The following SNTB2 variants were observed in gnomAD, a reference collection of about 807,000 sequenced individuals.
SNTB2 encodes beta-2-syntrophin.
Under a neutral mutation model 46.2 loss-of-function variants are expected in SNTB2, and 34 were observed. The ratio of observed to expected loss-of-function variants is 0.74; its 90% CI spans 0.56 to 0.98. The LOEUF is 0.98. SNTB2 is among the 50% of genes least tolerant of loss of function. SNTB2 has a pLI of 0.00. For missense variants in SNTB2, 603 were observed against 731.4 expected, an observed-to-expected ratio of 0.82 and a Z score of 2.02; for synonymous variants, 290 against 312.6, an observed-to-expected ratio of 0.93 and a Z score of 0.76.
chr16:69,273,098 C>T (rs1242229257), intron 4 of SNTB2, among the ~76,000 whole-genome samples: 3 of 152,074 alleles, frequency 2.0e-5, no homozygotes, highest in Non-Finnish European at 2.9e-5. Flanking sequence ...GTGTGAACAA[C>T]GACGTGGAGA....
intron 2 of SNTB2, 140 bp from the exon 3 acceptor site, chr16:69,259,910 A>G: frequency 1.3e-6 from 1 of 744,246 alleles, no homozygotes; most frequent in Non-Finnish European, 2.3e-6. Flanking sequence ...GTGCCCAGCC[A>G]AGAAAGTATC....
At chr16:69,199,633 G>A (rs33964663) in intron 1 of SNTB2, among the ~76,000 whole-genome samples, 46,620 of 147,190 alleles carry the variant, frequency 0.32, 8,010 homozygotes, top group African/African-American at 0.43. Context: ...TCTCTTAAGC[G>A]CAGATGAATC....
At chr16:69,250,232 G>A (rs897663312) in intron 2 of SNTB2, among the ~76,000 whole-genome samples, 4 of 152,184 alleles carry the variant, frequency 2.6e-5, no homozygotes, top group African/African-American at 9.7e-5. Context: ...ATTACAAGGA[G>A]TTTGCAAAAA....
intron 1 of SNTB2, among the ~76,000 whole-genome samples, chr16:69,231,836 AT>A (rs1246714555): frequency 2.0e-5 from 3 of 152,186 alleles, no homozygotes; most frequent in African/African-American, 4.8e-5. Flanking sequence ...TATTTAAAAC[AT>A]TTTTTATAAA....
At chr16:69,212,526 A>G (rs972993172) in intron 1 of SNTB2, among the ~76,000 whole-genome samples, 1 of 151,832 alleles carries the variant, frequency 6.6e-6, no homozygotes, top group African/African-American at 2.4e-5. Flanking sequence ...TTTAGTAGAG[A>G]CAAGTTTTCA....
At chr16:69,261,851 TG>T (rs772184717) in intron 3 of SNTB2, among the ~76,000 whole-genome samples, 16 of 152,318 alleles carry the variant, frequency 1.1e-4, no homozygotes, top group Middle Eastern at 3.4e-3. Context: ...CCTTTTGCCC[TG>T]GAAAGGTAAC....
At chr16:69,208,434 G>A (rs1964246364) in intron 1 of SNTB2, among the ~76,000 whole-genome samples, 1 of 151,472 alleles carries the variant, frequency 6.6e-6, no homozygotes. Context: ...AAAAGATATA[G>A]TATAGTATGT....
chr16:69,251,468 T>G (rs1597187332), intron 2 of SNTB2, among the ~76,000 whole-genome samples: 1 of 106,130 alleles, frequency 9.4e-6, no homozygotes, highest in African/African-American at 3.7e-5. Flanking sequence ...ATGTTTAGTT[T>G]AAAAAAAAAA....
rs183005599 is a variant in SNTB2 at position 69,305,337 on chromosome 16, A to G, written c.*4413A>G. 41 of 152,542 alleles carry G rather than the reference A, an allele frequency of 2.7e-4. No individual in the cohort carries two copies. The highest frequency in any genetic ancestry group is 9.4e-4 in the African/African-American group (39 of 41,580). 9.4% of individuals were successfully genotyped at this position (152,542 alleles called of 1,614,324 possible). On this transcript the variant is annotated 3_prime_UTR_variant, in exon 7 of 7. Transcript: ENST00000336278. ...TCTGCTTTTTTGTATCTTATCTTGG[A>G]CACTTATGCTGAATTATGTTCTTAT...
intron 1 of SNTB2, among the ~76,000 whole-genome samples, chr16:69,214,868 T>C (rs562709359): frequency 8.1e-4 from 121 of 149,036 alleles, no homozygotes; most frequent in African/African-American, 2.9e-3. Flanking sequence ...TTTTGACATA[T>C]GGTCTCGTTC....
In SNTB2 at chr16:69,214,137, T is replaced by A. The variant is rs1404234002; in HGVS notation, c.580+26391T>A. Among the ~76,000 whole-genome samples, 68 of 150,350 alleles carry A rather than the reference T, an allele frequency of 4.5e-4. 2 individuals carry two copies. Among genetic ancestry groups the A allele is most frequent in the Middle Eastern group, 3.4e-3 (1 of 294 alleles). On this transcript the variant is annotated intron_variant, in intron 1 of 6. Transcript: ENST00000336278. ...CACGCCCAGCCTTTTATTTTTTTTT[T>A]TTTTATTTTTTTTGAGACAGTCTCG...
At chr16:69,297,179 C>T (rs956129821) in intron 5 of SNTB2, among the ~76,000 whole-genome samples, 18 of 150,588 alleles carry the variant, frequency 1.2e-4, no homozygotes, top group East Asian at 2.0e-4. Flanking sequence ...TGGTGGTGCC[C>T]GCCTGTAATC....
chr16:69,248,649 A>G (rs554366101), intron 2 of SNTB2, among the ~76,000 whole-genome samples: 1 of 152,212 alleles, frequency 6.6e-6, no homozygotes, highest in African/African-American at 2.4e-5. Context: ...ATAAAATAAA[A>G]TAAATAAACA....
chr16:69,254,550 A>C (rs1964755001), intron 2 of SNTB2, among the ~76,000 whole-genome samples: 1 of 152,174 alleles, frequency 6.6e-6, no homozygotes, highest in Non-Finnish European at 1.5e-5. Flanking sequence ...ATAAAGAAAA[A>C]ACTTGACAAG....
Position 69,292,369 on chromosome 16 carries a change from TATATATATATTATATATATATTATA to T in SNTB2, c.1346-7220_1346-7196del, listed in dbSNP as rs1567416293. ...ACCTTATTTTTTATATATATATATATATATATATATTATATATATATTATATATATATATATATTATATATATATT... is the reference window on the plus strand; with the variant it reads ...ACCTTATTTTTTATATATATATATATTATATATATATATTATATATATATT... On this transcript the variant is annotated intron_variant, in intron 5 of 6. Transcript: ENST00000336278. Among the ~76,000 whole-genome samples the T allele has an allele frequency of 1.2e-4, 4 of 32,408 alleles. 1 individual carries two copies. In the Admixed American group the frequency reaches 1.5e-3, roughly 12 times the overall value. 21.3% of individuals were successfully genotyped at this position (32,408 alleles called of 152,430 possible).
intron 1 of SNTB2, among the ~76,000 whole-genome samples, chr16:69,220,154 A>ATTTTTT (rs889068336): frequency 1.0e-4 from 10 of 97,554 alleles, no homozygotes; most frequent in African/African-American, 2.7e-4. Context: ...AGAAAGTCAG[A>ATTTTTT]TTTTTTTTTT....
chr16:69,293,968 C>T (rs971715768), intron 5 of SNTB2, among the ~76,000 whole-genome samples: 5 of 152,148 alleles, frequency 3.3e-5, no homozygotes, highest in African/African-American at 1.2e-4. Context: ...TCCCTAAATC[C>T]AACTGCAGTT....
intron 5 of SNTB2, among the ~76,000 whole-genome samples, chr16:69,290,665 C>G (rs1965151489): frequency 6.6e-6 from 1 of 152,084 alleles, no homozygotes; most frequent in African/African-American, 2.4e-5. Context: ...TAAGCATAGC[C>G]CCTATTTTTC....
chr16:69,226,322 C>T (rs186191679), intron 1 of SNTB2, among the ~76,000 whole-genome samples: 10 of 151,856 alleles, frequency 6.6e-5, no homozygotes, highest in Admixed American at 3.3e-4. Flanking sequence ...CTGTCTGCCT[C>T]GGCCTCCCCA....
Sources: allele counts gnomAD v4.1 joint callset (sites outside exome capture counted in the v4.1 genomes callset), GRCh38; gene constraint gnomAD v4.1.1; transcripts MANE v1.5; gene names NCBI Gene and HGNC (gene_info 2026-07-23, HGNC 2026-07-21).